Variants in EPHA6 observed in about 807,000 individuals in gnomAD.
The protein encoded by EPHA6 is EPH receptor A6, also known as ephrin type-A receptor 6.
Under a neutral mutation model 112.0 loss-of-function variants are expected in EPHA6, and 50 were observed. That is an observed-to-expected ratio of 0.45 (90% confidence interval 0.36 to 0.56). The LOEUF (loss-of-function observed/expected upper bound fraction) is 0.56, where lower values mean the gene tolerates loss of function less well. Ranked by LOEUF, EPHA6 falls within the 20% of genes least tolerant of loss-of-function variation. EPHA6 has a pLI of 0.00. For missense variants in EPHA6, 1,280 were observed against 1,417.4 expected (o/e 0.90, Z 1.56); for synonymous variants, 529 against 490.7 (o/e 1.08, Z -1.03).
intron 5 of EPHA6, among the ~76,000 whole-genome samples, chr3:97,367,575 T>TA (rs1380848280): frequency 1.3e-5 from 2 of 152,088 alleles, no homozygotes; most frequent in African/African-American, 4.8e-5. Context: ...TTTATTTATT[T>TA]TTTTTTTGTA....
chr3:97,603,708 T>C (rs1312467588), intron 12 of EPHA6, among the ~76,000 whole-genome samples: 1 of 151,908 alleles, frequency 6.6e-6, no homozygotes, highest in East Asian at 1.9e-4. Context: ...TTAGCAGATG[T>C]TATTGTTAAG....
At position 97,565,941 on chromosome 3, in the gene EPHA6, C is replaced by T. The variant is rs139690697; in HGVS notation, c.2387-26671C>T. On this transcript the variant is annotated intron_variant, in intron 11 of 17. Transcript: ENST00000389672. ...CTGAGGCAGGAGAATTGCTTGAACTCGGGAGGAGGTGGAGGTTGCAGTGAG... is the reference window on the plus strand; with the variant it reads ...CTGAGGCAGGAGAATTGCTTGAACTTGGGAGGAGGTGGAGGTTGCAGTGAG... Among the ~76,000 whole-genome samples the T allele has an allele frequency of 8.1e-3, 1,194 of 146,746 alleles. 7 individuals are homozygous for T. Among genetic ancestry groups the T allele is most frequent in the African/African-American group, 0.027 (1,044 of 39,282 alleles).
intron 13 of EPHA6, among the ~76,000 whole-genome samples, chr3:97,617,635 G>T (rs192958333): frequency 6.6e-5 from 10 of 152,188 alleles, no homozygotes; most frequent in African/African-American, 2.4e-4. Context: ...TGCCATCCCA[G>T]TTTTTGACAA....
chr3:97,389,643 AATT>A (rs1378973986), intron 5 of EPHA6, among the ~76,000 whole-genome samples: 2 of 152,188 alleles, frequency 1.3e-5, no homozygotes, highest in Non-Finnish European at 2.9e-5. Context: ...TTTCCTTAGA[AATT>A]AATTTAGAAC....
At chr3:97,381,323 A>T (rs1400041028) in intron 5 of EPHA6, among the ~76,000 whole-genome samples, 1 of 152,120 alleles carries the variant, frequency 6.6e-6, no homozygotes, top group East Asian at 1.9e-4. Flanking sequence ...CCAAGCACTG[A>T]GCTAGTCACT....
At chr3:96,993,926 A>G (rs950560204) in intron 3 of EPHA6, among the ~76,000 whole-genome samples, 1 of 152,158 alleles carries the variant, frequency 6.6e-6, no homozygotes, top group Non-Finnish European at 1.5e-5. Context: ...AATAGAATAA[A>G]TCTGTATCTA....
intron 3 of EPHA6, among the ~76,000 whole-genome samples, chr3:97,160,528 T>C (rs2076390443): frequency 1.3e-5 from 2 of 151,870 alleles, no homozygotes; most frequent in African/African-American, 2.4e-5. Flanking sequence ...GATCTGCCTG[T>C]CTCAGCCTCC....
At chr3:97,405,031 C>T in intron 5 of EPHA6, 119 bp from the exon 6 acceptor site, 1 of 1,100,652 alleles carries the variant, frequency 9.1e-7, no homozygotes, top group Non-Finnish European at 1.3e-6. Flanking sequence ...AATCTGCCTT[C>T]AATAAATGGT....
At chr3:96,837,225 A>G (rs996935425) in intron 1 of EPHA6, among the ~76,000 whole-genome samples, 3 of 152,140 alleles carry the variant, frequency 2.0e-5, no homozygotes, top group African/African-American at 7.2e-5. Context: ...AGATGTCACG[A>G]GCACAGAGTA....
chr3:97,598,098 C>T (rs1409478924), intron 12 of EPHA6, among the ~76,000 whole-genome samples: 1 of 151,898 alleles, frequency 6.6e-6, no homozygotes, highest in Non-Finnish European at 1.5e-5. Context: ...TTCATATTTT[C>T]AGACATTCTT....
At chr3:97,061,800 G>T (rs965173313) in intron 3 of EPHA6, among the ~76,000 whole-genome samples, 3 of 152,090 alleles carry the variant, frequency 2.0e-5, no homozygotes, top group East Asian at 1.9e-4. Context: ...CTGCTGAAAC[G>T]CATACTATAG....
chr3:97,592,293 C>A lies in EPHA6; in HGVS notation c.2387-319C>A, dbSNP rs549359714. Among the ~76,000 whole-genome samples the A allele has an allele frequency of 3.9e-5, 6 of 152,298 alleles. No homozygotes were observed. In the South Asian group the frequency reaches 1.2e-3, roughly 32 times the overall value. Reference sequence around the variant, plus strand: ...TGTAGGCATGAATTCTGCAAATAAACAACATCAATGACTAGCATTTATATC... The same window carrying A: ...TGTAGGCATGAATTCTGCAAATAAAAAACATCAATGACTAGCATTTATATC... On this transcript the variant is annotated intron_variant, in intron 11 of 17. Coordinates refer to ENST00000389672, the MANE Select transcript of EPHA6 (RefSeq NM_001080448.3).
chr3:97,217,495 G>A (rs183433174), intron 3 of EPHA6, among the ~76,000 whole-genome samples: 25 of 152,276 alleles, frequency 1.6e-4, no homozygotes, highest in Non-Finnish European at 2.6e-4. Flanking sequence ...GGCATAGATT[G>A]TCAAATAGTA....
chr3:97,483,532 T>A (rs1267023923), intron 9 of EPHA6, among the ~76,000 whole-genome samples: 1 of 152,092 alleles, frequency 6.6e-6, no homozygotes, highest in Non-Finnish European at 1.5e-5. Context: ...TGCCGTAGAG[T>A]ACAAAGAGTC....
At chr3:97,185,579 A>C (rs1183934805) in intron 3 of EPHA6, among the ~76,000 whole-genome samples, 2 of 152,048 alleles carry the variant, frequency 1.3e-5, no homozygotes, top group African/African-American at 4.8e-5. Flanking sequence ...ACTGGAGAGG[A>C]TGTGGAGAAA....
intron 14 of EPHA6, among the ~76,000 whole-genome samples, chr3:97,662,761 A>G (rs1367075390): frequency 6.6e-6 from 1 of 152,228 alleles, no homozygotes; most frequent in Admixed American, 6.5e-5. Context: ...CACCAACAAA[A>G]AAACAGATAA....
At chr3:97,020,129 C>G (rs2044402144) in intron 3 of EPHA6, among the ~76,000 whole-genome samples, 1 of 152,124 alleles carries the variant, frequency 6.6e-6, no homozygotes, top group Non-Finnish European at 1.5e-5. Context: ...ATACCTCTGT[C>G]AATACCAGGA....
chr3:97,646,256 G>T, intron 14 of EPHA6: 1 of 1,534,924 alleles, frequency 6.5e-7, no homozygotes, highest in Non-Finnish European at 8.7e-7. Flanking sequence ...GAAGGGCCAT[G>T]GGAGCCAGTG....
chr3:97,140,963 C>G (rs1010523526), intron 3 of EPHA6, among the ~76,000 whole-genome samples: 2 of 151,852 alleles, frequency 1.3e-5, no homozygotes, highest in African/African-American at 2.4e-5. Flanking sequence ...CCCACAAATT[C>G]AAAGTAAAGG....
Sources: allele counts gnomAD v4.1 joint callset (sites outside exome capture counted in the v4.1 genomes callset), GRCh38; gene constraint gnomAD v4.1.1; transcripts MANE v1.5; gene names NCBI Gene and HGNC (gene_info 2026-07-23, HGNC 2026-07-21).